Variants in SUGP1 observed in about 807,000 individuals in gnomAD.
SUGP1 encodes the protein SURP and G-patch domain-containing protein 1.
A neutral mutation model predicts 76.5 loss-of-function variants in SUGP1; 34 were observed. The ratio of observed to expected loss-of-function variants is 0.44; its 90% CI spans 0.34 to 0.59. The LOEUF is 0.59. SUGP1 is among the 20% of genes least tolerant of loss of function. The pLI is 0.01. For missense variants in SUGP1, 752 were observed against 851.7 expected (o/e 0.88, Z 1.46); for synonymous variants, 326 against 326.2 (o/e 1.00, Z 0.01).
intron 2 of SUGP1, among the ~76,000 whole-genome samples, chr19:19,311,899 G>A (rs2146626607): frequency 6.6e-6 from 1 of 152,126 alleles, no homozygotes; most frequent in Non-Finnish European, 1.5e-5. Flanking sequence ...AATCACTTGA[G>A]CCCAGGAGTT....
intron 8 of SUGP1, among the ~76,000 whole-genome samples, chr19:19,293,494 G>T (rs1321750842): frequency 6.6e-6 from 1 of 151,870 alleles, no homozygotes; most frequent in Admixed American, 6.6e-5. Context: ...TGAGGCAGGA[G>T]AATTGCTTGA....
rs781006974 is a variant in SUGP1, at chr19:19,280,310, G to A, written c.1244-19C>T. ...TCCTGAACTGGAAACCAAAGACACAGGGTAGTCAGAGCCTGACAGGTGCAC... is the reference window on the plus strand; with the variant it reads ...TCCTGAACTGGAAACCAAAGACACAAGGTAGTCAGAGCCTGACAGGTGCAC... On this transcript the variant is annotated intron_variant, in intron 8 of 13. Transcript: ENST00000247001. The A allele has an allele frequency of 5.5e-5, 88 of 1,610,296 alleles. No homozygotes were observed. Among genetic ancestry groups the A allele is most frequent in the Non-Finnish European group, 6.9e-5 (81 of 1,177,342 alleles).
chr19:19,293,906 CG>C (rs2061204853), intron 8 of SUGP1, among the ~76,000 whole-genome samples: 1 of 152,108 alleles, frequency 6.6e-6, no homozygotes, highest in African/African-American at 2.4e-5. Flanking sequence ...ACAAACAGAC[CG>C]GGTGCAGTAG....
intron 11 of SUGP1, among the ~76,000 whole-genome samples, chr19:19,278,176 C>T (rs888497729): frequency 2.0e-5 from 3 of 152,152 alleles, no homozygotes; most frequent in Non-Finnish European, 4.4e-5. Context: ...AGAGAAGCCC[C>T]GTGTTCATGT....
At chr19:19,285,717 C>T (rs949033285) in intron 8 of SUGP1, among the ~76,000 whole-genome samples, 1 of 152,044 alleles carries the variant, frequency 6.6e-6, no homozygotes, top group Non-Finnish European at 1.5e-5. Context: ...AAGTGAACAC[C>T]ACCACACCCG....
At chr19:19,277,682 G>A in intron 12 of SUGP1, 52 bp downstream of exon 12, 2 of 1,597,000 alleles carry the variant, frequency 1.3e-6, no homozygotes, top group South Asian at 1.1e-5. Context: ...GGCGGCAGGG[G>A]ACCCACAGAC....
intron 6 of SUGP1, among the ~76,000 whole-genome samples, chr19:19,303,139 C>G (rs1396704260): frequency 2.0e-5 from 3 of 152,200 alleles, no homozygotes; most frequent in Non-Finnish European, 4.4e-5. Context: ...TGGCCTGACA[C>G]TCAGGCTTCA....
Position 19,279,216 on chromosome 19 carries a change from T to C in SUGP1, c.1525A>G (p.Arg509Gly). Residue 509 changes from arginine (R) to glycine (G), a missense_variant, in exon 10 of 14, where the codon AGG becomes GGG. Arg to Gly is a moderately radical substitution (Grantham distance 125). Transcript: ENST00000247001. The part of the protein sequence containing the change: ...QLRRMEMDKT[R>G]EWAEQLTKMG... ...CCCACCCCGCTGCCCCACATACCCCTGGTCTTATCCATCTCCATGCGCCGC... is the reference window on the plus strand; with the variant it reads ...CCCACCCCGCTGCCCCACATACCCCCGGTCTTATCCATCTCCATGCGCCGC... The C allele has an allele frequency of 8.7e-7, 1 of 1,144,194 alleles. No individual in the cohort carries two copies. Among genetic ancestry groups the C allele is most frequent in the Non-Finnish European group, 1.2e-6 (1 of 814,708 alleles). 70.9% of individuals were successfully genotyped at this position (1,144,194 alleles called of 1,614,324 possible).
chr19:19,289,951 A>G (rs1449038099), intron 8 of SUGP1, among the ~76,000 whole-genome samples: 1 of 151,980 alleles, frequency 6.6e-6, no homozygotes, highest in Non-Finnish European at 1.5e-5. Flanking sequence ...CAAGGAACTA[A>G]GAGGGAGTTA....
intron 7 of SUGP1, among the ~76,000 whole-genome samples, chr19:19,297,921 G>A (rs538988830): frequency 7.9e-5 from 12 of 152,326 alleles, no homozygotes; most frequent in African/African-American, 1.2e-4. Flanking sequence ...AGCAGGTGGC[G>A]CTGGGTTCAG....
At chr19:19,285,449 G>A (rs2061132200) in intron 8 of SUGP1, among the ~76,000 whole-genome samples, 2 of 152,164 alleles carry the variant, frequency 1.3e-5, no homozygotes, top group Non-Finnish European at 2.9e-5. Context: ...TCACAGGCAT[G>A]AGCCACTGTA....
intron 8 of SUGP1, among the ~76,000 whole-genome samples, chr19:19,287,942 C>G (rs2061153706): frequency 6.6e-6 from 1 of 152,160 alleles, no homozygotes; most frequent in Admixed American, 6.6e-5. Flanking sequence ...GCAGCAAGAC[C>G]AACCCCTACT....
chr19:19,280,407 C>T (rs2061089143), intron 8 of SUGP1, 116 bp from the exon 9 acceptor site: 2 of 903,514 alleles, frequency 2.2e-6, no homozygotes, highest in African/African-American at 1.6e-5. Context: ...ACACGGGGAC[C>T]TCATATCATT....
rs184173116 is a variant in SUGP1, at chr19:19,278,958, G to A, written c.1529-162C>T. On this transcript the variant is annotated intron_variant, in intron 10 of 13. Transcript: ENST00000247001. ...CCAGCCCGAGCCTCTGCCTGGTGAG[G>A]CAGCCCAGCATTTAGTGAACCCTGT... is the stretch of plus-strand genomic sequence containing the variant. 1.7e-4 allele frequency among the ~76,000 whole-genome samples: 26 copies of A among 152,220 alleles called. No homozygotes were observed. In the East Asian group the frequency reaches 3.9e-3, roughly 23 times the overall value.
chr19:19,296,807 TAA>T (rs763238999), intron 8 of SUGP1, among the ~76,000 whole-genome samples, 180 bp downstream of exon 8: 1 of 152,188 alleles, frequency 6.6e-6, no homozygotes, highest in South Asian at 2.1e-4. Flanking sequence ...TCTGTGAATA[TAA>T]GAGTTCATTC....
intron 6 of SUGP1, 30 bp downstream of exon 6, chr19:19,303,318 C>T: frequency 6.3e-7 from 1 of 1,598,284 alleles, no homozygotes; most frequent in Non-Finnish European, 8.6e-7. Flanking sequence ...CAGGCCTCCC[C>T]AGAATCTCCC....
rs551913149 is a variant in SUGP1, at chr19:19,303,590, T to C, written c.662+134A>G. On this transcript the variant is annotated intron_variant, in intron 5 of 13. Coordinates refer to ENST00000247001, the MANE Select transcript of SUGP1 (RefSeq NM_172231.4). ...GTCTCCGTGCCACATGGGAGCCACT[T>C]GTCACTTCTGGTGAGAATCAGAAAA... 3 of 1,375,220 alleles carry C rather than the reference T, an allele frequency of 2.2e-6. No individual in the cohort carries two copies. The South Asian group carries it at 3.6e-5, about 17-fold the overall frequency. The allele number at this position is 1,375,220 out of a possible 1,614,324, so 85.2% of individuals were successfully genotyped here. A position where few individuals can be genotyped will look rare whatever the true frequency, so the allele number is the denominator to read the frequency against.
intron 8 of SUGP1, among the ~76,000 whole-genome samples, chr19:19,283,569 C>G (rs2061116665): frequency 6.6e-6 from 1 of 152,210 alleles, no homozygotes; most frequent in African/African-American, 2.4e-5. Flanking sequence ...ATTCTCCTGC[C>G]TCAGCCTCCC....
intron 7 of SUGP1, among the ~76,000 whole-genome samples, chr19:19,300,637 G>C (rs140316644): frequency 6.6e-6 from 1 of 152,166 alleles, no homozygotes; most frequent in Non-Finnish European, 1.5e-5. Context: ...ATACCTGGTC[G>C]TCCCCCCGAC....
Sources: gnomAD v4.1 joint callset for allele counts (sites outside exome capture counted in the v4.1 genomes callset) on GRCh38, gnomAD v4.1.1 for gene constraint, MANE v1.5 for transcripts, NCBI Gene and HGNC (gene_info 2026-07-23, HGNC 2026-07-21) for gene names.